The following ERBB4 variants were observed in gnomAD, a reference collection of about 807,000 sequenced individuals.
The protein encoded by ERBB4 is receptor tyrosine-protein kinase erbB-4.
Under a neutral mutation model 158.0 loss-of-function variants are expected in ERBB4, and 42 were observed. The observed-to-expected ratio is 0.27, with a 90% CI of 0.21 to 0.34. ERBB4 has a LOEUF of 0.34. Among genes scored for constraint, ERBB4 ranks in the 10% least tolerant of loss-of-function variants. ERBB4 has a pLI of 1.00. For synonymous variants in ERBB4, 583 were observed against 558.7 expected (o/e 1.04, Z -0.61); for missense variants, 1,333 against 1,624.1 (o/e 0.82, Z 3.08).
At chr2:211,465,914 C>T (rs1157580968) in intron 20 of ERBB4, among the ~76,000 whole-genome samples, 1 of 152,104 alleles carries the variant, frequency 6.6e-6, no homozygotes, top group African/African-American at 2.4e-5. Context: ...AGTCACACTG[C>T]TAAAAATTCA....
chr2:212,255,996 TA>T (rs200449047), intron 1 of ERBB4, among the ~76,000 whole-genome samples: 763 of 14,378 alleles, frequency 0.053, 12 homozygotes, highest in Middle Eastern at 0.36. Flanking sequence ...AAGTTTTATT[TA>T]TTTATTTTTT....
intron 3 of ERBB4, among the ~76,000 whole-genome samples, chr2:211,802,983 C>A (rs1275859879): frequency 1.3e-5 from 2 of 152,100 alleles, no homozygotes; most frequent in Non-Finnish European, 2.9e-5. Flanking sequence ...TAATAAGATG[C>A]GATCCAAAAG....
intron 2 of ERBB4, among the ~76,000 whole-genome samples, chr2:212,018,348 C>T (rs1221610769): frequency 6.6e-6 from 1 of 152,140 alleles, no homozygotes; most frequent in Non-Finnish European, 1.5e-5. Context: ...GCCCGGAGTG[C>T]TCCATTTCCC....
intron 20 of ERBB4, among the ~76,000 whole-genome samples, chr2:211,461,643 A>G (rs1009386556): frequency 6.6e-6 from 1 of 152,122 alleles, no homozygotes; most frequent in African/African-American, 2.4e-5. Flanking sequence ...CACAAGAAAG[A>G]AACATAGACA....
intron 25 of ERBB4, among the ~76,000 whole-genome samples, chr2:211,418,796 A>G (rs1009263166): frequency 6.6e-5 from 10 of 152,194 alleles, no homozygotes; most frequent in South Asian, 4.1e-4. Context: ...AGCCTCCTTT[A>G]TACACCTTAA....
intron 22 of ERBB4, among the ~76,000 whole-genome samples, chr2:211,426,695 C>A (rs1280663739): frequency 6.6e-6 from 1 of 151,154 alleles, no homozygotes; most frequent in African/African-American, 2.4e-5. Context: ...AGGAGACTGC[C>A]TATATATCTT....
At chr2:211,729,685 AT>A (rs1276186286) in intron 5 of ERBB4, among the ~76,000 whole-genome samples, 1 of 151,882 alleles carries the variant, frequency 6.6e-6, no homozygotes, top group East Asian at 1.9e-4. Flanking sequence ...CTCATATTTT[AT>A]TACAATGGGG....
intron 1 of ERBB4, among the ~76,000 whole-genome samples, chr2:212,418,075 C>G (rs1355293232): frequency 6.6e-6 from 1 of 151,922 alleles, no homozygotes; most frequent in Non-Finnish European, 1.5e-5. Context: ...ATAACTGAAT[C>G]TATTAACATC....
In ERBB4 at chr2:212,363,221, CTT is replaced by C. The variant is rs2089758702; in HGVS notation, c.82+175226_82+175227del. ...GATCAGACTAAGTAGCCCATGCAGA[CTT>C]GTATTTGCAAAATATACAATATAAA... On this transcript the variant is annotated intron_variant, in intron 1 of 27. Transcript: ENST00000342788. 2.0e-5 allele frequency among the ~76,000 whole-genome samples: 3 copies of C among 151,284 alleles called. No individual in the cohort carries two copies. The South Asian group carries it at 6.2e-4, about 31-fold the overall frequency.
chr2:211,869,084 A>T lies in ERBB4; in HGVS notation c.421+78346T>A, dbSNP rs145611179. Among the ~76,000 whole-genome samples the T allele has an allele frequency of 3.5e-5, 5 of 143,186 alleles. No homozygotes were observed. The East Asian group carries it at 9.3e-4, about 27-fold the overall frequency. The allele number at this position is 143,186 out of a possible 152,430, so 93.9% of individuals were successfully genotyped here. A position where few individuals can be genotyped will look rare whatever the true frequency, so the allele number is the denominator to read the frequency against. ...AGCACAGCATATAAGCCCCTTTGGA[A>T]TCTTGTCCCAACAATTTTTTCACTT... On this transcript the variant is annotated intron_variant, in intron 3 of 27. Coordinates refer to ENST00000342788, the MANE Select transcript of ERBB4 (RefSeq NM_005235.3).
intron 19 of ERBB4, among the ~76,000 whole-genome samples, chr2:211,611,742 C>T (rs576644876): frequency 6.5e-4 from 99 of 152,232 alleles, no homozygotes; most frequent in African/African-American, 2.3e-3. Flanking sequence ...TCCTGATGCA[C>T]GTTTTAGCTG....
At chr2:211,774,793 A>G (rs1176093485) in intron 4 of ERBB4, among the ~76,000 whole-genome samples, 1 of 152,136 alleles carries the variant, frequency 6.6e-6, no homozygotes, top group Non-Finnish European at 1.5e-5. Context: ...TGCTTATTAT[A>G]TCGTTTATTA....
At chr2:212,441,732 T>C (rs1044661558) in intron 1 of ERBB4, among the ~76,000 whole-genome samples, 2 of 152,098 alleles carry the variant, frequency 1.3e-5, no homozygotes, top group African/African-American at 4.8e-5. Context: ...CTTGGTTAGC[T>C]GAAATATGGA....
At chr2:212,331,375 G>T (rs114800516) in intron 1 of ERBB4, among the ~76,000 whole-genome samples, 1 of 151,296 alleles carries the variant, frequency 6.6e-6, no homozygotes, top group African/African-American at 2.4e-5. Flanking sequence ...GGGGAATCTC[G>T]CAATGTTCTG....
Position 212,338,091 on chromosome 2 carries a change from C to A in ERBB4, c.82+200358G>T, listed in dbSNP as rs113765064. ...AATCCAGGAAAAAATGTTAACCATACTTCAGACTGGTGGCAGATGGTTATC... is the reference window on the plus strand; with the variant it reads ...AATCCAGGAAAAAATGTTAACCATAATTCAGACTGGTGGCAGATGGTTATC... On this transcript the variant is annotated intron_variant, in intron 1 of 27. Transcript: ENST00000342788. 5.2e-3 allele frequency among the ~76,000 whole-genome samples: 795 copies of A among 152,212 alleles called. 5 individuals are homozygous for A. Among genetic ancestry groups the A allele is most frequent in the Middle Eastern group, 0.02 (6 of 294 alleles).
At chr2:212,498,203 C>A (rs1438741832) in intron 1 of ERBB4, among the ~76,000 whole-genome samples, 1 of 151,784 alleles carries the variant, frequency 6.6e-6, no homozygotes, top group Non-Finnish European at 1.5e-5. Context: ...AACCCCTTCC[C>A]CAACTTCCTG....
chr2:211,583,053 T>G (rs2068151159), intron 19 of ERBB4, among the ~76,000 whole-genome samples: 2 of 152,126 alleles, frequency 1.3e-5, no homozygotes, highest in Non-Finnish European at 2.9e-5. Context: ...ATTTAAATAC[T>G]TCATTCAGTA....
At chr2:212,472,352 T>C (rs1487823945) in intron 1 of ERBB4, among the ~76,000 whole-genome samples, 2 of 151,826 alleles carry the variant, frequency 1.3e-5, no homozygotes, top group East Asian at 3.8e-4. Context: ...GCTCAAGAAA[T>C]GTAAATAAAT....
chr2:212,341,320 A>C (rs563827936), intron 1 of ERBB4, among the ~76,000 whole-genome samples: 1 of 152,208 alleles, frequency 6.6e-6, no homozygotes, highest in South Asian at 2.1e-4. Flanking sequence ...TTTCATAGAA[A>C]TCTAGTAACT....
Sources: gnomAD v4.1 joint callset for allele counts (sites outside exome capture counted in the v4.1 genomes callset) on GRCh38, gnomAD v4.1.1 for gene constraint, MANE v1.5 for transcripts, NCBI Gene and HGNC (gene_info 2026-07-23, HGNC 2026-07-21) for gene names.